The following AUTS2 variants were observed in gnomAD, a reference collection of about 807,000 sequenced individuals.
AUTS2 encodes activator of transcription and developmental regulator AUTS2, also known as autism susceptibility gene 2 protein.
In AUTS2, 17 loss-of-function variants were observed where a neutral mutation model predicts 112.4. That is an observed-to-expected ratio of 0.15 (90% CI 0.10 to 0.23). The LOEUF is 0.23. AUTS2 is among the 10% of genes least tolerant of loss of function. The pLI is 1.00. For synonymous variants in AUTS2, 751 were observed against 702.7 expected (o/e 1.07, Z -1.09); for missense variants, 1,510 against 1,701.6 (o/e 0.89, Z 1.98).
chr7:70,487,348 G>A (rs1585204288), intron 5 of AUTS2, among the ~76,000 whole-genome samples: 1 of 152,178 alleles, frequency 6.6e-6, no homozygotes, highest in Non-Finnish European at 1.5e-5. Flanking sequence ...ATATGCTAAA[G>A]TGTTCCCTTC....
chr7:69,980,634 A>C (rs1798257496), intron 2 of AUTS2, among the ~76,000 whole-genome samples: 2 of 152,148 alleles, frequency 1.3e-5, no homozygotes, highest in South Asian at 4.2e-4. Context: ...ATGTATTAGA[A>C]GTCATATGAT....
intron 1 of AUTS2, among the ~76,000 whole-genome samples, chr7:69,867,066 G>T (rs925542471): frequency 2.0e-5 from 3 of 152,216 alleles, no homozygotes; most frequent in Non-Finnish European, 4.4e-5. Context: ...TTGTTAGGGT[G>T]ATGTGGGGCC....
chr7:70,563,397 T>C (rs1801570773), intron 5 of AUTS2, among the ~76,000 whole-genome samples: 1 of 152,218 alleles, frequency 6.6e-6, no homozygotes, highest in Non-Finnish European at 1.5e-5. Flanking sequence ...TCTGTCTTTA[T>C]TATTCCCAAT....
chr7:70,565,436 T>C (rs1801668467), intron 5 of AUTS2, among the ~76,000 whole-genome samples: 1 of 152,190 alleles, frequency 6.6e-6, no homozygotes, highest in South Asian at 2.1e-4. Flanking sequence ...TTTCATACTT[T>C]GGGAGGCCAA....
chr7:70,214,007 G>C (rs919713826), intron 4 of AUTS2, among the ~76,000 whole-genome samples: 5 of 152,174 alleles, frequency 3.3e-5, no homozygotes, highest in Non-Finnish European at 7.4e-5. Flanking sequence ...GAAGGTAACT[G>C]CAGCACTTTT....
At chr7:70,527,356 G>T (rs543013718) in intron 5 of AUTS2, among the ~76,000 whole-genome samples, 10 of 151,924 alleles carry the variant, frequency 6.6e-5, no homozygotes, top group South Asian at 2.1e-4. Flanking sequence ...CTCTTTTTTT[G>T]GGGGGGTTGA....
chr7:70,413,268 A>T (rs1170800432), intron 4 of AUTS2, among the ~76,000 whole-genome samples: 1 of 152,228 alleles, frequency 6.6e-6, no homozygotes, highest in Non-Finnish European at 1.5e-5. Context: ...TCACCTATCT[A>T]GAATATAAGT....
At chr7:69,959,227 G>GT (rs1001778547) in intron 2 of AUTS2, among the ~76,000 whole-genome samples, 1 of 151,904 alleles carries the variant, frequency 6.6e-6, no homozygotes, top group Non-Finnish European at 1.5e-5. Context: ...TTCCTGTTGT[G>GT]TTTTTTCTAA....
chr7:70,268,055 A>G (rs1787519125), intron 4 of AUTS2, among the ~76,000 whole-genome samples: 1 of 152,216 alleles, frequency 6.6e-6, no homozygotes, highest in African/African-American at 2.4e-5. Context: ...CACAAAAATG[A>G]ACTCGTTAGA....
intron 6 of AUTS2, among the ~76,000 whole-genome samples, chr7:70,733,174 T>C (rs1350708986): frequency 6.6e-6 from 1 of 152,200 alleles, no homozygotes. Context: ...GAGCACTTAA[T>C]TCTTCAAGGA....
chr7:70,271,790 A>G (rs1787705271), intron 4 of AUTS2, among the ~76,000 whole-genome samples: 1 of 152,214 alleles, frequency 6.6e-6, no homozygotes, highest in Admixed American at 6.5e-5. Context: ...AGTATGAGTC[A>G]CCACAATTTA....
intron 1 of AUTS2, among the ~76,000 whole-genome samples, chr7:69,864,492 T>A (rs17361448): frequency 0.084 from 12,772 of 152,216 alleles, 618 homozygotes; most frequent in East Asian, 0.13. Context: ...GAGGAAATGA[T>A]GCATTAATGA....
At chr7:70,575,243 CCAG>C (rs1232140968) in intron 5 of AUTS2, among the ~76,000 whole-genome samples, 1 of 152,170 alleles carries the variant, frequency 6.6e-6, no homozygotes, top group Non-Finnish European at 1.5e-5. Flanking sequence ...GAACAGAAAG[CCAG>C]CCTGTGCCAA....
chr7:69,923,380 C>T (rs1795888956), intron 2 of AUTS2, among the ~76,000 whole-genome samples: 1 of 152,084 alleles, frequency 6.6e-6, no homozygotes. Flanking sequence ...GTCTTTATTA[C>T]TGTAGCTTGC....
intron 5 of AUTS2, among the ~76,000 whole-genome samples, chr7:70,515,592 C>A (rs1048568867): frequency 6.6e-6 from 1 of 152,120 alleles, no homozygotes; most frequent in African/African-American, 2.4e-5. Flanking sequence ...TTCCCTTCAA[C>A]GAGACCCAGG....
At chr7:69,734,241 A>C (rs1340426972) in intron 1 of AUTS2, among the ~76,000 whole-genome samples, 1 of 151,610 alleles carries the variant, frequency 6.6e-6, no homozygotes, top group African/African-American at 2.4e-5. Context: ...TTAATTTCCC[A>C]TTTTCAGCTT....
In AUTS2 at chr7:70,207,867, C is replaced by A. The variant is rs553907988; in HGVS notation, c.660+73296C>A. On this transcript the variant is annotated intron_variant, in intron 4 of 18. Transcript: ENST00000342771. Reference sequence around the variant, plus strand: ...TCTCTACTAAATATAAAAAATTAGCCGGGCATGGTGGTGCATGCCTGTAAT... The same window carrying A: ...TCTCTACTAAATATAAAAAATTAGCAGGGCATGGTGGTGCATGCCTGTAAT... Among the ~76,000 whole-genome samples, 13 of 151,836 alleles carry A rather than the reference C, an allele frequency of 8.6e-5. No individual in the cohort carries two copies. In the East Asian group the frequency reaches 2.5e-3, roughly 30 times the overall value.
rs577096826 is a variant in AUTS2 at position 69,919,426 on chromosome 7, A to G, written c.522+19928A>G. On this transcript the variant is annotated intron_variant, in intron 2 of 18. Coordinates refer to ENST00000342771, the MANE Select transcript of AUTS2 (RefSeq NM_015570.4). ...GTCTTCACATTGTTTTATGGCCACG[A>G]CTTTGAATTCATTTGATCACTTAAG... Among the ~76,000 whole-genome samples the G allele has an allele frequency of 3.2e-4, 49 of 152,360 alleles. 2 individuals carry two copies. In the South Asian group the frequency reaches 9.5e-3, roughly 30 times the overall value.
At position 70,736,050 on chromosome 7, in the gene AUTS2, G is replaced by GTA. The variant is rs546175760; in HGVS notation, c.743-26817_743-26816dup. On this transcript the variant is annotated intron_variant, in intron 6 of 18. Coordinates refer to ENST00000342771, the MANE Select transcript of AUTS2 (RefSeq NM_015570.4). ...TCTATTTTATTATACGTGTGTGTGT[G>GTA]TATAACTATAACAATTAGAATATCA... Among the ~76,000 whole-genome samples, 130 of 151,848 alleles carry GTA rather than the reference G, an allele frequency of 8.6e-4. 1 individual carries two copies. Among genetic ancestry groups the GTA allele is most frequent in the African/African-American group, 3.0e-3 (123 of 41,390 alleles).
Sources: allele counts gnomAD v4.1 joint callset (sites outside exome capture counted in the v4.1 genomes callset), GRCh38; gene constraint gnomAD v4.1.1; transcripts MANE v1.5; gene names NCBI Gene and HGNC (gene_info 2026-07-23, HGNC 2026-07-21).